Variants in CDH20 observed in about 807,000 individuals in gnomAD.
The protein encoded by CDH20 is cadherin-20.
A neutral mutation model predicts 74.2 loss-of-function variants in CDH20; 29 were observed. The ratio of observed to expected loss-of-function variants is 0.39; its 90% CI spans 0.29 to 0.53. CDH20 has a LOEUF of 0.53. Ranked by LOEUF, CDH20 falls within the 20% of genes least tolerant of loss-of-function variation. The pLI is 0.69. For missense variants in CDH20, 988 were observed against 1,048.3 expected (o/e 0.94, Z 0.79); for synonymous variants, 469 against 405.4 (o/e 1.16, Z -1.88).
At chr18:61,458,546 C>T (rs1367176970) in intron 1 of CDH20, among the ~76,000 whole-genome samples, 1 of 152,136 alleles carries the variant, frequency 6.6e-6, no homozygotes, top group Non-Finnish European at 1.5e-5. Context: ...TCCACAAACC[C>T]CTTTGATTCT....
chr18:61,336,261 C>T (rs1909757420), intron 1 of CDH20, among the ~76,000 whole-genome samples: 1 of 152,202 alleles, frequency 6.6e-6, no homozygotes, highest in Non-Finnish European at 1.5e-5. Flanking sequence ...TGAGATAGCC[C>T]AGAGGGCTAA....
At chr18:61,477,621 T>C (rs1353435466) in intron 1 of CDH20, among the ~76,000 whole-genome samples, 2 of 152,184 alleles carry the variant, frequency 1.3e-5, no homozygotes, top group African/African-American at 4.8e-5. Context: ...TCATCTATTG[T>C]TGCAAATATG....
chr18:61,435,226 G>A (rs1000752206), intron 1 of CDH20, among the ~76,000 whole-genome samples: 3 of 152,074 alleles, frequency 2.0e-5, no homozygotes, highest in African/African-American at 7.2e-5. Flanking sequence ...CCGTGATCTT[G>A]AGCAAGGCTG....
At chr18:61,506,473 G>A (rs1911563905) in intron 5 of CDH20, among the ~76,000 whole-genome samples, 2 of 152,186 alleles carry the variant, frequency 1.3e-5, no homozygotes, top group African/African-American at 4.8e-5. Flanking sequence ...AGCTTACAAA[G>A]CATATTAGAA....
chr18:61,540,664 T>A (rs1053762342), intron 9 of CDH20, among the ~76,000 whole-genome samples: 7 of 152,162 alleles, frequency 4.6e-5, no homozygotes, highest in African/African-American at 1.7e-4. Flanking sequence ...ATGGGAGCTA[T>A]AATTCAAGAT....
At chr18:61,520,150 A>C (rs1425634546) in intron 6 of CDH20, among the ~76,000 whole-genome samples, 1 of 150,226 alleles carries the variant, frequency 6.7e-6, no homozygotes, top group Non-Finnish European at 1.5e-5. Context: ...CCCCATCTCT[A>C]CTAAAAATAC....
At chr18:61,411,778 A>T (rs1482749963) in intron 1 of CDH20, among the ~76,000 whole-genome samples, 1 of 152,140 alleles carries the variant, frequency 6.6e-6, no homozygotes, top group East Asian at 1.9e-4. Context: ...CAAATATCAT[A>T]TGTGGGAACT....
chr18:61,536,561 T>C lies in CDH20; in HGVS notation c.1340T>C (p.Met447Thr). 6.2e-7 allele frequency: 1 copy of C among 1,613,834 alleles called. No homozygotes were observed. Among genetic ancestry groups the C allele is most frequent in the South Asian group, 1.1e-5 (1 of 91,072 alleles). The change falls in exon 8 of 12, where the codon ATG becomes ACG. Residue 447 changes from methionine to threonine, a missense_variant. Met to Thr is a moderately conservative substitution (Grantham distance 81, BLOSUM62 -1). Transcript: ENST00000262717. ...GTTGACATTACAACAGGTGCCCTAA[T>C]GACAGCAAGACCCCTAGACCGGGAA... is the stretch of plus-strand genomic sequence containing the variant. ...FYVDITTGALMTARPLDREEF... is the reference protein window; with the variant it reads ...FYVDITTGALTTARPLDREEF...
chr18:61,464,651 A>G lies in CDH20; in HGVS notation c.-152-25751A>G, dbSNP rs117970025. ...GTTCCCTGCCAAAACTATCCTCACT[A>G]CAGAATCACTGATCAAAACACTGGC... is the stretch of plus-strand genomic sequence containing the variant. On this transcript the variant is annotated intron_variant, in intron 1 of 11. Transcript: ENST00000262717. 6.8e-3 allele frequency among the ~76,000 whole-genome samples: 1,032 copies of G among 152,316 alleles called. 6 individuals are homozygous for G. The highest frequency in any genetic ancestry group is 0.014 in the Middle Eastern group (4 of 294).
rs752412632 is a variant in CDH20, at chr18:61,545,078, C to T, written c.1582C>T (p.His528Tyr). The T allele has an allele frequency of 1.2e-6, 2 of 1,614,034 alleles. No homozygotes were observed. The highest frequency in any genetic ancestry group is 2.2e-5 in the South Asian group (2 of 91,074). The change falls in exon 10 of 12, where the codon CAT becomes TAT. Residue 528 changes from histidine (H) to tyrosine (Y), a missense_variant. Transcript: ENST00000262717. The part of the protein sequence containing the change: ...VDQDDPRNGQ[H>Y]FYYSLAPEAA... ...CCAAGATGACCCACGCAATGGTCAG[C>T]ATTTCTACTACAGCTTGGCTCCTGA...
intron 1 of CDH20, among the ~76,000 whole-genome samples, chr18:61,409,685 C>T (rs775647903): frequency 1.3e-5 from 2 of 152,138 alleles, no homozygotes; most frequent in East Asian, 1.9e-4. Context: ...TAAAATTGCG[C>T]GTGAGGATGC....
At chr18:61,493,595 A>T (rs892539904) in intron 2 of CDH20, among the ~76,000 whole-genome samples, 1 of 152,116 alleles carries the variant, frequency 6.6e-6, no homozygotes, top group Non-Finnish European at 1.5e-5. Context: ...CTGACCCCAC[A>T]TGTGTGCCCA....
chr18:61,413,348 T>C (rs560800198), intron 1 of CDH20, among the ~76,000 whole-genome samples: 2 of 152,322 alleles, frequency 1.3e-5, no homozygotes, highest in Non-Finnish European at 2.9e-5. Flanking sequence ...CTACAAAGTA[T>C]ATTTATTTTT....
chr18:61,428,195 C>T (rs1363692812), intron 1 of CDH20, among the ~76,000 whole-genome samples: 2 of 152,114 alleles, frequency 1.3e-5, no homozygotes. Flanking sequence ...TCCTTTTTAC[C>T]TGCTGAGTAT....
intron 2 of CDH20, among the ~76,000 whole-genome samples, chr18:61,492,965 C>T (rs994784440): frequency 6.6e-6 from 1 of 152,208 alleles, no homozygotes; most frequent in Admixed American, 6.5e-5. Flanking sequence ...ATGTAAAGCA[C>T]TTTGCACAGT....
At chr18:61,414,410 A>C (rs186354990) in intron 1 of CDH20, among the ~76,000 whole-genome samples, 117 of 152,300 alleles carry the variant, frequency 7.7e-4, no homozygotes, top group African/African-American at 2.7e-3. Context: ...GCAAGACAGT[A>C]GCTCCAAAAG....
intron 6 of CDH20, among the ~76,000 whole-genome samples, chr18:61,521,996 T>A (rs1416008945): frequency 6.6e-6 from 1 of 152,230 alleles, no homozygotes; most frequent in East Asian, 1.9e-4. Context: ...GCATTCCCTT[T>A]GAAAACTGGC....
intron 6 of CDH20, among the ~76,000 whole-genome samples, chr18:61,517,831 T>C (rs1036089218): frequency 6.6e-6 from 1 of 152,084 alleles, no homozygotes; most frequent in African/African-American, 2.4e-5. Context: ...GCTCAGTGGA[T>C]CCCACCCCCA....
chr18:61,364,631 C>T (rs1434857555), intron 1 of CDH20, among the ~76,000 whole-genome samples: 1 of 147,418 alleles, frequency 6.8e-6, no homozygotes, highest in Non-Finnish European at 1.5e-5. Flanking sequence ...TACTCTATTT[C>T]CTGAGAGAGG....
Sources: gnomAD v4.1 joint callset for allele counts (sites outside exome capture counted in the v4.1 genomes callset) on GRCh38, gnomAD v4.1.1 for gene constraint, MANE v1.5 for transcripts, NCBI Gene and HGNC (gene_info 2026-07-23, HGNC 2026-07-21) for gene names.